Variants in ATP12A observed in about 807,000 individuals in gnomAD.
The protein encoded by ATP12A is potassium-transporting ATPase alpha chain 2.
In ATP12A, 81 loss-of-function variants were observed where a neutral mutation model predicts 111.2. That is an observed-to-expected ratio of 0.73 (90% CI 0.61 to 0.88). The LOEUF (loss-of-function observed/expected upper bound fraction) is 0.88. ATP12A is among the 40% of genes least tolerant of loss of function. The pLI is 0.00. For missense variants in ATP12A, 1,196 were observed against 1,313.1 expected, an observed-to-expected ratio of 0.91 and a Z score of 1.38; for synonymous variants, 498 against 499.8, an observed-to-expected ratio of 1.00 and a Z score of 0.05.
Position 24,701,991 on chromosome 13 carries a change from G to A in ATP12A, c.1938G>A (p.Val646=). ...CAGCCAAAGCTATTGCCAAGAGTGT[G>A]GGGATCATTTCAGCCAACAGTGAAA... The part of the protein sequence containing the change: ...PITAKAIAKS[V]GIISANSETV... The change falls in exon 14 of 23, where the codon GTG becomes GTA. Residue 646 remains valine, a synonymous_variant. Transcript: ENST00000381946. The A allele has an allele frequency of 1.9e-6, 3 of 1,614,208 alleles. No homozygotes were observed. The highest frequency in any genetic ancestry group is 2.5e-6 in the Non-Finnish European group (3 of 1,180,038).
At chr13:24,681,477 C>A in intron 1 of ATP12A, 85 bp from the exon 2 acceptor site, 2 of 1,478,958 alleles carry the variant, frequency 1.4e-6, no homozygotes, top group East Asian at 4.5e-5. Context: ...CTGACTCCTG[C>A]AGGTCCTGAC....
chr13:24,695,681 C>T (rs921119610), intron 11 of ATP12A, among the ~76,000 whole-genome samples: 1 of 144,378 alleles, frequency 6.9e-6, no homozygotes, highest in South Asian at 2.3e-4. Flanking sequence ...GATCTCGGCT[C>T]ACTGCAACCT....
intron 1 of ATP12A, 54 bp from the exon 2 acceptor site, chr13:24,681,508 A>G: frequency 6.3e-7 from 1 of 1,583,762 alleles, no homozygotes; most frequent in Non-Finnish European, 8.6e-7. Context: ...GGCGCTCAGC[A>G]CCTCTTCGGA....
chr13:24,690,826 G>A, intron 7 of ATP12A, 105 bp downstream of exon 7: 1 of 1,446,020 alleles, frequency 6.9e-7, no homozygotes, highest in South Asian at 1.3e-5. Context: ...GCTCATCCCA[G>A]AGGAAGCATG....
rs1423237008 is a variant in ATP12A at position 24,681,628 on chromosome 13, G to A, written c.76G>A (p.Asp26Asn). Residue 26 changes from aspartate (D) to asparagine (N), a missense_variant, in exon 2 of 23, where the codon GAT becomes AAT. Asp to Asn is a conservative substitution (Grantham distance 23, BLOSUM62 1). Around this residue, in one of 3 missense-constraint regions of ATP12A, gnomAD observed 67 missense variants for 64.0 expected, o/e 1.05. Coordinates refer to ENST00000381946, the MANE Select transcript of ATP12A (RefSeq NM_001676.7). ...GGACATCGTGAAAACAGACAAGGGGGATGGCAAGGAGAAGTATAGGGGTCT... is the reference window on the plus strand; with the variant it reads ...GGACATCGTGAAAACAGACAAGGGGAATGGCAAGGAGAAGTATAGGGGTCT... Reference protein sequence around the residue: ...TKDIVKTDKGDGKEKYRGLKN... With the variant: ...TKDIVKTDKGNGKEKYRGLKN... 6.2e-7 allele frequency: 1 copy of A among 1,614,196 alleles called. No individual in the cohort carries two copies. Among genetic ancestry groups the A allele is most frequent in the Admixed American group, 1.7e-5 (1 of 60,026 alleles).
intron 17 of ATP12A, among the ~76,000 whole-genome samples, chr13:24,708,507 A>G (rs975095149): frequency 1.3e-5 from 2 of 152,108 alleles, no homozygotes; most frequent in Admixed American, 1.3e-4. Context: ...ATCATTTTCC[A>G]AGCCCTTCAC....
intron 11 of ATP12A, among the ~76,000 whole-genome samples, chr13:24,695,154 A>G (rs1875085903): frequency 6.6e-6 from 1 of 152,250 alleles, no homozygotes; most frequent in African/African-American, 2.4e-5. Flanking sequence ...GCCTGACACC[A>G]GGTCCACGAT....
At chr13:24,684,005 T>C (rs79516284) in intron 2 of ATP12A, among the ~76,000 whole-genome samples, 13,425 of 152,172 alleles carry the variant, frequency 0.088, 690 homozygotes, top group Middle Eastern at 0.2. Flanking sequence ...GGTGGGGTGC[T>C]GCCCTGTGCT....
chr13:24,707,501 C>T, intron 17 of ATP12A, 68 bp downstream of exon 17: 2 of 1,590,174 alleles, frequency 1.3e-6, no homozygotes, highest in Non-Finnish European at 1.7e-6. Flanking sequence ...GGGTCGCTAC[C>T]TTCAAGGGCC....
intron 17 of ATP12A, among the ~76,000 whole-genome samples, chr13:24,708,946 A>AAAGAAAGAAGGAAAGG: frequency 1.0e-5 from 1 of 100,338 alleles, no homozygotes; most frequent in Non-Finnish European, 2.4e-5. Context: ...AGAAAGAAAG[A>AAAGAAAGAAGGAAAGG]AAGAAAGAAA....
chr13:24,694,367 G>C (rs1875040545), intron 10 of ATP12A, 77 bp from the exon 11 acceptor site: 2 of 1,559,734 alleles, frequency 1.3e-6, no homozygotes, highest in Admixed American at 1.8e-5. Context: ...TCAGGAGGGT[G>C]TGTTTTGGGT....
chr13:24,698,907 C>A, intron 12 of ATP12A, 57 bp downstream of exon 12: 2 of 1,582,462 alleles, frequency 1.3e-6, no homozygotes, highest in South Asian at 1.2e-5. Flanking sequence ...ATGAGGCAGG[C>A]GCCTTGAGGA....
chr13:24,711,588 T>C lies in ATP12A; in HGVS notation c.*66T>C. 1 of 1,602,862 alleles carries C rather than the reference T, an allele frequency of 6.2e-7. No homozygotes were observed. Among genetic ancestry groups the C allele is most frequent in the South Asian group, 1.1e-5 (1 of 90,706 alleles). ...CACACTTGTTCATCTTCTGACCGTT[T>C]GCTGGGCTATTCCCCTGCAGTGCAG... On this transcript the variant is annotated 3_prime_UTR_variant, in exon 23 of 23. Coordinates refer to ENST00000381946, the MANE Select transcript of ATP12A (RefSeq NM_001676.7).
chr13:24,692,801 C>A lies in ATP12A; in HGVS notation c.1282C>A (p.Gln428Lys), dbSNP rs142939089. ...CTGTCTTCCAGACCAAGTCTTTGAC[C>A]AAAGCTCTAGGACTTGGGCCTCCTT... Reference protein sequence around the residue: ...SEDHSNQVFDQSSRTWASLSK... With the variant: ...SEDHSNQVFDKSSRTWASLSK... Residue 428 changes from glutamine (Q) to lysine (K), a missense_variant, in exon 10 of 23, where the codon CAA (glutamine) becomes AAA (lysine). By Grantham distance (53) the Gln-to-Lys change is moderately conservative (BLOSUM62 1). Transcript: ENST00000381946. 6 of 1,614,042 alleles carry A rather than the reference C, an allele frequency of 3.7e-6. No individual in the cohort carries two copies. In the African/African-American group the frequency reaches 8.0e-5, roughly 22 times the overall value.
Position 24,700,931 on chromosome 13 carries a change from TA to T in ATP12A, c.1881+10del. On this transcript the variant is annotated intron_variant, in intron 13 of 22. Transcript: ENST00000381946. ...GGAGTGCAGGGATCAAGGTGGGAGTTATTTTCCTGACTCAAGAAGTTCTTTC... is the reference window on the plus strand; with the variant it reads ...GGAGTGCAGGGATCAAGGTGGGAGTTTTTTCCTGACTCAAGAAGTTCTTTC... The T allele has an allele frequency of 6.2e-7, 1 of 1,610,950 alleles. No homozygotes were observed. The highest frequency in any genetic ancestry group is 8.5e-7 in the Non-Finnish European group (1 of 1,178,018).
intron 14 of ATP12A, among the ~76,000 whole-genome samples, chr13:24,703,190 G>A (rs1228475632): frequency 6.6e-6 from 1 of 152,172 alleles, no homozygotes; most frequent in Non-Finnish European, 1.5e-5. Flanking sequence ...GGTTTTGTAA[G>A]ATAATCGGAT....
intron 3 of ATP12A, among the ~76,000 whole-genome samples, chr13:24,686,522 C>T (rs1191752629): frequency 1.3e-5 from 2 of 151,522 alleles, no homozygotes; most frequent in Non-Finnish European, 2.9e-5. Flanking sequence ...GGGCGGATCA[C>T]GAGGTCAGGA....
At chr13:24,683,977 G>GC (rs1274544883) in intron 2 of ATP12A, among the ~76,000 whole-genome samples, 6 of 152,112 alleles carry the variant, frequency 3.9e-5, no homozygotes, top group Middle Eastern at 3.2e-3. Flanking sequence ...AAAGGGCCAG[G>GC]CAGTGACCCG....
chr13:24,695,028 G>A (rs913406409), intron 11 of ATP12A, among the ~76,000 whole-genome samples: 2 of 152,164 alleles, frequency 1.3e-5, no homozygotes, highest in South Asian at 2.1e-4. Context: ...ACGTGGCCTT[G>A]TTCCATGTTC....
Sources: allele counts gnomAD v4.1 joint callset (sites outside exome capture counted in the v4.1 genomes callset), GRCh38; gene constraint gnomAD v4.1.1; regional missense constraint gnomAD v4.1.1; transcripts MANE v1.5; gene names NCBI Gene and HGNC (gene_info 2026-07-23, HGNC 2026-07-21).